Variants in CSMD1 observed in about 807,000 individuals in gnomAD.
CSMD1 encodes CUB and sushi domain-containing protein 1.
A neutral mutation model predicts 417.5 loss-of-function variants in CSMD1; 213 were observed. The observed-to-expected ratio is 0.51, with a 90% CI of 0.46 to 0.57. CSMD1 has a LOEUF of 0.57. Ranked by LOEUF, CSMD1 falls within the 20% of genes least tolerant of loss-of-function variation. The pLI, the probability that CSMD1 is intolerant of heterozygous loss-of-function variation, is 0.00. For missense variants in CSMD1, 6,923 were observed against 4,529.7 expected, an observed-to-expected ratio of 1.53 and a Z score of -15.17; for synonymous variants, 2,862 against 1,736.8, an observed-to-expected ratio of 1.65 and a Z score of -16.11.
chr8:3,278,585 T>G (rs1271549376), intron 26 of CSMD1: 1 of 152,190 alleles, frequency 6.6e-6, no homozygotes, highest in African/African-American at 2.4e-5. Context: ...CTAATTCCAA[T>G]GTTTTAAATT....
chr8:3,340,331 T>C (rs1375264792), intron 23 of CSMD1, among the ~76,000 whole-genome samples: 3 of 152,222 alleles, frequency 2.0e-5, no homozygotes, highest in South Asian at 2.1e-4. Flanking sequence ...TGTATGCTTT[T>C]ATAAATATGA....
At chr8:4,877,017 A>G (rs1188139744) in intron 1 of CSMD1, among the ~76,000 whole-genome samples, 2 of 152,080 alleles carry the variant, frequency 1.3e-5, no homozygotes, top group Non-Finnish European at 2.9e-5. Flanking sequence ...AGAGTTTCTC[A>G]GAAAGAAAAA....
intron 3 of CSMD1, among the ~76,000 whole-genome samples, chr8:4,230,256 C>T (rs539167169): frequency 1.4e-3 from 208 of 152,208 alleles, no homozygotes; most frequent in Non-Finnish European, 1.9e-3. Context: ...AGATTTATAT[C>T]GTTGAGTATC....
At chr8:4,254,195 G>C (rs764587528) in intron 3 of CSMD1, among the ~76,000 whole-genome samples, 83 of 152,162 alleles carry the variant, frequency 5.5e-4, no homozygotes, top group Non-Finnish European at 1.0e-3. Flanking sequence ...GGGACTGCAG[G>C]TGTGAGCCAC....
At chr8:4,428,225 T>G in intron 2 of CSMD1, among the ~76,000 whole-genome samples, 1 of 152,174 alleles carries the variant, frequency 6.6e-6, no homozygotes, top group East Asian at 1.9e-4. Flanking sequence ...GAACCACACA[T>G]TCTAAACACA....
chr8:3,449,642 C>T (rs1462832474), intron 12 of CSMD1, among the ~76,000 whole-genome samples: 1 of 151,994 alleles, frequency 6.6e-6, no homozygotes, highest in African/African-American at 2.4e-5. Flanking sequence ...CTCAGCCTCC[C>T]AAGTAGCTGA....
chr8:3,172,710 C>A (rs1407763335), intron 37 of CSMD1, among the ~76,000 whole-genome samples: 1 of 152,038 alleles, frequency 6.6e-6, no homozygotes. Flanking sequence ...GGAGGAAGGC[C>A]CACATGCACT....
chr8:3,975,849 T>C (rs531310518), intron 5 of CSMD1, among the ~76,000 whole-genome samples: 4 of 152,368 alleles, frequency 2.6e-5, no homozygotes, highest in Admixed American at 6.5e-5. Flanking sequence ...TTTTTAGTTA[T>C]TGTTGTCCTT....
intron 3 of CSMD1, among the ~76,000 whole-genome samples, chr8:4,054,629 A>T (rs568229324): frequency 9.7e-4 from 147 of 152,254 alleles, no homozygotes; most frequent in African/African-American, 3.4e-3. Flanking sequence ...ATCGGACTGT[A>T]AAACACATAG....
intron 10 of CSMD1, among the ~76,000 whole-genome samples, chr8:3,500,394 G>C (rs1024631560): frequency 6.6e-6 from 1 of 152,164 alleles, no homozygotes; most frequent in Non-Finnish European, 1.5e-5. Flanking sequence ...GAAAAAAACA[G>C]TATGGAGCTT....
At chr8:4,205,631 G>C (rs999037291) in intron 3 of CSMD1, among the ~76,000 whole-genome samples, 5 of 152,098 alleles carry the variant, frequency 3.3e-5, no homozygotes, top group African/African-American at 7.2e-5. Context: ...GAGCCACACA[G>C]AGTGAGAAAG....
chr8:3,600,852 A>G (rs1801328720), intron 8 of CSMD1, among the ~76,000 whole-genome samples: 2 of 151,906 alleles, frequency 1.3e-5, no homozygotes, highest in African/African-American at 4.9e-5. Context: ...GCAATATTGC[A>G]AACACAGTAT....
At chr8:4,033,872 G>T (rs577527710) in intron 3 of CSMD1, among the ~76,000 whole-genome samples, 2 of 152,288 alleles carry the variant, frequency 1.3e-5, no homozygotes, top group East Asian at 3.9e-4. Flanking sequence ...ACATCATTCA[G>T]TTGAATGGAT....
chr8:3,297,295 C>A (rs1057451169), intron 25 of CSMD1, among the ~76,000 whole-genome samples: 1 of 152,076 alleles, frequency 6.6e-6, no homozygotes, highest in African/African-American at 2.4e-5. Flanking sequence ...AAAATCCAGG[C>A]AATTTCTTTT....
At chr8:3,706,575 G>A (rs762397446) in intron 7 of CSMD1, among the ~76,000 whole-genome samples, 19 of 152,154 alleles carry the variant, frequency 1.2e-4, no homozygotes, top group Non-Finnish European at 2.4e-4. Flanking sequence ...GTGTTCAGAT[G>A]AGGACAGAAG....
At chr8:4,049,777 G>T (rs1421539829) in intron 3 of CSMD1, among the ~76,000 whole-genome samples, 1 of 152,072 alleles carries the variant, frequency 6.6e-6, no homozygotes, top group African/African-American at 2.4e-5. Context: ...GCCACAGCCC[G>T]TTTTCCTTAC....
At chr8:3,221,815 A>C (rs1798233230) in intron 28 of CSMD1, among the ~76,000 whole-genome samples, 1 of 152,080 alleles carries the variant, frequency 6.6e-6, no homozygotes, top group Non-Finnish European at 1.5e-5. Flanking sequence ...TCTCATCCAC[A>C]GCCCTGAACG....
intron 4 of CSMD1, among the ~76,000 whole-genome samples, chr8:4,014,949 T>C (rs549884895): frequency 6.6e-6 from 1 of 152,334 alleles, no homozygotes; most frequent in East Asian, 1.9e-4. Context: ...TGGGATGAGA[T>C]AACGTGAATG....
intron 1 of CSMD1, among the ~76,000 whole-genome samples, chr8:4,745,874 G>C (rs565612437): frequency 1.3e-5 from 2 of 152,168 alleles, no homozygotes; most frequent in African/African-American, 4.8e-5. Context: ...AAGGGCTTCT[G>C]AGCTTGATCC....
Sources: gnomAD v4.1 joint callset for allele counts (sites outside exome capture counted in the v4.1 genomes callset) on GRCh38, gnomAD v4.1.1 for gene constraint, MANE v1.5 for transcripts, NCBI Gene and HGNC (gene_info 2026-07-23, HGNC 2026-07-21) for gene names.